METTL15: variants seen among roughly 807,000 people sequenced by gnomAD.
METTL15 encodes the protein 12S rRNA N(4)-cytidine methyltransferase METTL15.
A neutral mutation model predicts 38.3 loss-of-function variants in METTL15; 34 were observed. That is an observed-to-expected ratio of 0.89 (90% CI 0.68 to 1.18). The LOEUF is 1.18. Among genes scored for constraint, METTL15 ranks in the 50% most tolerant of loss-of-function variants. METTL15 has a pLI of 0.00. For synonymous variants in METTL15, 162 were observed against 170.9 expected (o/e 0.95, Z 0.41); for missense variants, 438 against 498.4 (o/e 0.88, Z 1.15).
intron 3 of METTL15, among the ~76,000 whole-genome samples, chr11:28,203,554 A>G (rs1410448993): frequency 6.6e-6 from 1 of 152,064 alleles, no homozygotes; most frequent in Non-Finnish European, 1.5e-5. Context: ...GGAAGTTTAC[A>G]ACATGATGTG....
intron 4 of METTL15, among the ~76,000 whole-genome samples, chr11:28,283,005 G>C (rs1168104950): frequency 6.6e-6 from 1 of 152,084 alleles, no homozygotes. Context: ...TCTCAGTTGT[G>C]TATGTCTGCA....
chr11:28,276,047 T>G (rs1259435103), intron 4 of METTL15, among the ~76,000 whole-genome samples: 1 of 152,066 alleles, frequency 6.6e-6, no homozygotes, highest in East Asian at 1.9e-4. Flanking sequence ...AAGACAAAGA[T>G]GCTCACATTC....
At chr11:28,186,186 A>G (rs1254949548) in intron 3 of METTL15, among the ~76,000 whole-genome samples, 1 of 151,136 alleles carries the variant, frequency 6.6e-6, no homozygotes, top group Admixed American at 6.6e-5. Flanking sequence ...CAAGTAAGAT[A>G]AGAACTGTAT....
At chr11:28,278,400 T>A (rs1285045540) in intron 4 of METTL15, among the ~76,000 whole-genome samples, 6 of 152,200 alleles carry the variant, frequency 3.9e-5, no homozygotes, top group Non-Finnish European at 8.8e-5. Flanking sequence ...TCTTATTCAT[T>A]TTCTAATCTG....
chr11:28,201,610 G>GGT (rs71050951), intron 3 of METTL15, among the ~76,000 whole-genome samples: 17 of 145,564 alleles, frequency 1.2e-4, no homozygotes, highest in Non-Finnish European at 4.5e-5. Context: ...GTCTTGGGAG[G>GGT]GTGTGTGTGT....
intron 3 of METTL15, among the ~76,000 whole-genome samples, chr11:28,150,654 A>G (rs1287503177): frequency 1.3e-5 from 2 of 151,878 alleles, no homozygotes; most frequent in Non-Finnish European, 2.9e-5. Flanking sequence ...CCTAAAATTT[A>G]TATAATTTCA....
intron 4 of METTL15, among the ~76,000 whole-genome samples, chr11:28,226,253 G>T (rs1489744535): frequency 6.6e-6 from 1 of 151,784 alleles, no homozygotes; most frequent in South Asian, 2.1e-4. Flanking sequence ...CTTGAATCAG[G>T]GTTCAGATTT....
chr11:28,251,716 C>T (rs1043363054), intron 4 of METTL15, among the ~76,000 whole-genome samples: 3 of 152,032 alleles, frequency 2.0e-5, no homozygotes, highest in Non-Finnish European at 4.4e-5. Flanking sequence ...CATCTACTCA[C>T]ATGATTATAA....
At chr11:28,390,469 C>T (rs1197936358) in intron 5 of METTL15, among the ~76,000 whole-genome samples, 2 of 152,104 alleles carry the variant, frequency 1.3e-5, no homozygotes, top group Admixed American at 6.6e-5. Flanking sequence ...TTCGCAGCAC[C>T]ATTTATTAAA....
intron 5 of METTL15, among the ~76,000 whole-genome samples, chr11:28,373,970 A>C (rs566281522): frequency 5.5e-4 from 83 of 152,132 alleles, no homozygotes; most frequent in African/African-American, 1.9e-3. Context: ...AAGATCAGAT[A>C]GTTGTAGTTA....
At chr11:28,393,829 G>C (rs939625067) in intron 5 of METTL15, among the ~76,000 whole-genome samples, 1 of 152,048 alleles carries the variant, frequency 6.6e-6, no homozygotes, top group African/African-American at 2.4e-5. Flanking sequence ...AAGACCATTG[G>C]AAGTCATCTT....
At chr11:28,349,917 A>AGGT (rs1408980889) in intron 3 of METTL15, among the ~76,000 whole-genome samples, 1 of 152,218 alleles carries the variant, frequency 6.6e-6, no homozygotes, top group Non-Finnish European at 1.5e-5. Context: ...ATTGCACAGA[A>AGGT]GGTGTTGCAT....
chr11:28,384,624 G>C lies in METTL15; in HGVS notation c.*358+22588G>C, dbSNP rs563359758. Among the ~76,000 whole-genome samples, 296 of 152,070 alleles carry C rather than the reference G, an allele frequency of 1.9e-3. 1 individual carries two copies. The highest frequency in any genetic ancestry group is 5.9e-3 in the African/African-American group (247 of 41,526). ...CACACCCAGCCACATGTGTCTTTAT[G>C]ATAGAATGATTTACATTCCTTTGGT... On this transcript the variant is annotated intron_variant and NMD_transcript_variant, in intron 5 of 7. Transcript: ENST00000532947.
At chr11:28,390,203 C>A (rs1192657353) in intron 5 of METTL15, among the ~76,000 whole-genome samples, 4 of 151,780 alleles carry the variant, frequency 2.6e-5, no homozygotes, top group Non-Finnish European at 4.4e-5. Flanking sequence ...ATGGTAGTTT[C>A]TTTTGCTGTG....
intron 6 of METTL15, among the ~76,000 whole-genome samples, chr11:28,439,764 G>A (rs1033026035): frequency 2.6e-5 from 4 of 152,132 alleles, no homozygotes; most frequent in Admixed American, 6.5e-5. Context: ...TGGACATACC[G>A]AGGGGAGGGA....
chr11:28,132,622 T>C (rs1388960711), intron 3 of METTL15, among the ~76,000 whole-genome samples: 1 of 152,154 alleles, frequency 6.6e-6, no homozygotes, highest in East Asian at 1.9e-4. Flanking sequence ...AAACTATAAC[T>C]GAGTTTATAT....
At position 28,209,643 on chromosome 11, in the gene METTL15, C is replaced by T. The variant is rs149112494; in HGVS notation, c.271-1419C>T. On this transcript the variant is annotated intron_variant, in intron 3 of 6. Transcript: ENST00000407364. The stretch of plus-strand genomic sequence containing the variant: ...TGTCCATCCTCCAATTTTGATCAGA[C>T]GATTTCCTCCATGTTATTCTTTCAG... Among the ~76,000 whole-genome samples, 248 of 152,010 alleles carry T rather than the reference C, an allele frequency of 1.6e-3. 7 individuals are homozygous for T. In the East Asian group the frequency reaches 0.042, roughly 26 times the overall value.
At chr11:28,156,081 G>A (rs969897808) in intron 3 of METTL15, among the ~76,000 whole-genome samples, 8 of 152,050 alleles carry the variant, frequency 5.3e-5, no homozygotes, top group South Asian at 4.1e-4. Flanking sequence ...GGAAAGTTTT[G>A]TATGTTCCCA....
intron 6 of METTL15, among the ~76,000 whole-genome samples, chr11:28,497,485 A>G (rs1169965550): frequency 6.6e-6 from 1 of 152,214 alleles, no homozygotes; most frequent in Non-Finnish European, 1.5e-5. Context: ...TTCTGTGGTT[A>G]TATGTGTCTC....
Sources: allele counts gnomAD v4.1 joint callset (sites outside exome capture counted in the v4.1 genomes callset), GRCh38; gene constraint gnomAD v4.1.1; transcripts MANE v1.5; gene names NCBI Gene and HGNC (gene_info 2026-07-23, HGNC 2026-07-21).